Variants in CCT8L2 observed in about 807,000 individuals in gnomAD.
The protein encoded by CCT8L2 is T-complex protein 1 subunit theta-like 2.
CCT8L2 carries 29 observed loss-of-function variants against 31.5 expected under a neutral mutation model. The ratio of observed to expected loss-of-function variants is 0.92; its 90% CI spans 0.68 to 1.25. CCT8L2 has a LOEUF of 1.25. Ranked by LOEUF, CCT8L2 falls within the 50% of genes most tolerant of loss-of-function variation. The pLI, the probability that CCT8L2 is intolerant of heterozygous loss-of-function variation, is 0.00. For missense variants in CCT8L2, 589 were observed against 695.7 expected (o/e 0.85, Z 1.73); for synonymous variants, 256 against 290.1 (o/e 0.88, Z 1.19).
In CCT8L2 at chr22:16,591,662, C is replaced by A; in HGVS notation, c.889G>T (p.Gly297Trp). 2 of 1,614,208 alleles carry A rather than the reference C, an allele frequency of 1.2e-6. No homozygotes were observed. Among genetic ancestry groups the A allele is most frequent in the Non-Finnish European group, 8.5e-7 (1 of 1,180,052 alleles). Residue 297 changes from glycine (G) to tryptophan (W), a missense_variant, in exon 1 of 1, where the codon GGG becomes TGG. By Grantham distance (184) the Gly-to-Trp change is radical. Coordinates refer to ENST00000359963, the MANE Select transcript of CCT8L2 (RefSeq NM_014406.5). ...GTGAGGGTCTCCTCGTCGACCTCCCCCAACACCACTGCCACATTAATTCCT... is the reference window on the plus strand; with the variant it reads ...GTGAGGGTCTCCTCGTCGACCTCCCACAACACCACTGCCACATTAATTCCT... ...AAGINVAVVL[G>W]EVDEETLTLA...
At position 16,590,983 on chromosome 22, in the gene CCT8L2, G is replaced by C. The variant is rs773770330; in HGVS notation, c.1568C>G (p.Ala523Gly). 1 of 1,613,890 alleles carries C rather than the reference G, an allele frequency of 6.2e-7. No individual in the cohort carries two copies. The highest frequency in any genetic ancestry group is 1.7e-5 in the Admixed American group (1 of 60,004). ...QLVTVDEIVVAKKSPTHQEIW... is the reference protein window; with the variant it reads ...QLVTVDEIVVGKKSPTHQEIW... ...CTCCTGATGTGTGGGACTTTTCTTG[G>C]CCACTACGATTTCATCTACAGTCAC... The change falls in exon 1 of 1, where the codon GCC becomes GGC. Residue 523 changes from alanine to glycine, a missense_variant. By Grantham distance (60) the Ala-to-Gly change is moderately conservative. Coordinates refer to ENST00000359963, the MANE Select transcript of CCT8L2 (RefSeq NM_014406.5).
At position 16,592,244 on chromosome 22, in the gene CCT8L2, C is replaced by A. The variant is rs145347766; in HGVS notation, c.307G>T (p.Asp103Tyr). 1.1e-4 allele frequency: 183 copies of A among 1,614,266 alleles called. 1 individual carries two copies. The African/African-American group carries it at 2.2e-3, about 20-fold the overall frequency. ...AGCAGAACCACGAAGGCTGTGCCGTCCCCACTATTCTCTGCCTGGGTTTGT... is the reference window on the plus strand; with the variant it reads ...AGCAGAACCACGAAGGCTGTGCCGTACCCACTATTCTCTGCCTGGGTTTGT... ...AGQTQAENSG[D>Y]GTAFVVLLTE... The change falls in exon 1 of 1, where the codon GAC (aspartate) becomes TAC (tyrosine). Residue 103 changes from aspartate to tyrosine, a missense_variant. Physicochemically the swap from Asp to Tyr is radical, Grantham distance 160. Transcript: ENST00000359963.
At position 16,592,643 on chromosome 22, in the gene CCT8L2, C is replaced by T. The variant is rs2059595571; in HGVS notation, c.-93G>A. 5 of 1,133,820 alleles carry T rather than the reference C, an allele frequency of 4.4e-6. No homozygotes were observed. In the Admixed American group the frequency reaches 1.1e-4, roughly 24 times the overall value. 70.2% of individuals were successfully genotyped at this position (1,133,820 alleles called of 1,614,324 possible). On this transcript the variant is annotated 5_prime_UTR_variant, in exon 1 of 1. The change abolishes the stop of an existing upstream ORF in the 5' untranslated region. Coordinates refer to ENST00000359963, the MANE Select transcript of CCT8L2 (RefSeq NM_014406.5). ...CCTGACACCGATCGTTGAAAGTACT[C>T]AAGAGGTCAGTGGAAGCAAGGAGCC... is the stretch of plus-strand genomic sequence containing the variant.
chr22:16,591,981 A>G lies in CCT8L2; in HGVS notation c.570T>C (p.Ala190=). 2 of 1,614,174 alleles carry G rather than the reference A, an allele frequency of 1.2e-6. No individual in the cohort carries two copies. Among genetic ancestry groups the G allele is most frequent in the Non-Finnish European group, 1.7e-6 (2 of 1,180,032 alleles). ...LTKLVAHACW[A]IKELDGSFKP... ...TGAAGCTGCCGTCTAGTTCCTTGAT[A>G]GCCCAGCAGGCGTGGGCCACCAGCT... The change falls in exon 1 of 1, where the codon GCT becomes GCC. Residue 190 remains alanine, a synonymous_variant. Transcript: ENST00000359963.
rs369424741 is a variant in CCT8L2 at position 16,591,553 on chromosome 22, G to A, written c.998C>T (p.Pro333Leu). 4.3e-6 allele frequency: 7 copies of A among 1,614,184 alleles called. No homozygotes were observed. The highest frequency in any genetic ancestry group is 5.9e-6 in the Non-Finnish European group (7 of 1,180,046). Residue 333 changes from proline to leucine, a missense_variant, in exon 1 of 1, where the codon CCT becomes CTT. Pro to Leu is a moderately conservative substitution (Grantham distance 98, BLOSUM62 -3). Transcript: ENST00000359963. ...GGGAGGGAGCAGACGAGGCAGCAGA[G>A]GTGTGTCCAACACCTCACTCAGGTA... Reference protein sequence around the residue: ...IIYLSEVLDTPLLPRLLPPQR... With the variant: ...IIYLSEVLDTLLLPRLLPPQR...
Position 16,592,715 on chromosome 22 carries a change from T to C in CCT8L2, c.-165A>G, listed in dbSNP as rs1180641198. 22 of 623,532 alleles carry C rather than the reference T, an allele frequency of 3.5e-5. No individual in the cohort carries two copies. Among genetic ancestry groups the C allele is most frequent in the Non-Finnish European group, 4.8e-5 (17 of 355,276 alleles). The allele number at this position is 623,532 out of a possible 1,614,324, so 38.6% of individuals were successfully genotyped here. On this transcript the variant is annotated 5_prime_UTR_variant, in exon 1 of 1. Coordinates refer to ENST00000359963, the MANE Select transcript of CCT8L2 (RefSeq NM_014406.5). ...TGAAGACATCAGCACGGACCAGCAC[T>C]CCACTGTGGGTCCAAGGATGAGCTC...
Position 16,592,530 on chromosome 22 carries a change from T to C in CCT8L2, c.21A>G (p.Ser7=). The change falls in exon 1 of 1, where the codon TCA becomes TCG. Residue 7 remains serine (S), a synonymous_variant. Coordinates refer to ENST00000359963, the MANE Select transcript of CCT8L2 (RefSeq NM_014406.5). ...CCAGCCGCTGGGGCAGCTCCAGGGC[T>C]GAAGGGACTGTGCTGTCCATGGCCC... MDSTVP[S]ALELPQRLAL... is the part of the protein sequence containing the mutation. 6.2e-7 allele frequency: 1 copy of C among 1,613,102 alleles called. No homozygotes were observed. Among genetic ancestry groups the C allele is most frequent in the South Asian group, 1.1e-5 (1 of 91,014 alleles).
chr22:16,591,662 C>G lies in CCT8L2; in HGVS notation c.889G>C (p.Gly297Arg). 1 of 1,614,208 alleles carries G rather than the reference C, an allele frequency of 6.2e-7. No individual in the cohort carries two copies. The highest frequency in any genetic ancestry group is 8.5e-7 in the Non-Finnish European group (1 of 1,180,052). The change falls in exon 1 of 1, where the codon GGG (glycine) becomes CGG (arginine). Residue 297 changes from glycine (G) to arginine (R), a missense_variant. Coordinates refer to ENST00000359963, the MANE Select transcript of CCT8L2 (RefSeq NM_014406.5). The part of the protein sequence containing the change: ...AAGINVAVVL[G>R]EVDEETLTLA... ...GTGAGGGTCTCCTCGTCGACCTCCC[C>G]CAACACCACTGCCACATTAATTCCT... is the stretch of plus-strand genomic sequence containing the variant.
Position 16,590,924 on chromosome 22 carries a change from GTTTC to G in CCT8L2, c.1623_1626del (p.Lys541AsnfsTer14). On this transcript the variant is annotated frameshift_variant, in exon 1 of 1. Transcript: ENST00000359963. LOFTEE classifies it high-confidence loss of function. ...TTTTTTGTTTCCACAGGAGGTGGGT[GTTTC>G]TTTGTCTTCTTAGAGTCAGGATTCC... is the stretch of plus-strand genomic sequence containing the variant. 1 of 1,613,714 alleles carries G rather than the reference GTTTC, an allele frequency of 6.2e-7. No individual in the cohort carries two copies. Among genetic ancestry groups the G allele is most frequent in the Non-Finnish European group, 8.5e-7 (1 of 1,179,814 alleles).
rs529271182 is a variant in CCT8L2 at position 16,590,991 on chromosome 22, G to A, written c.1560C>T (p.Ile520=). The A allele has an allele frequency of 5.3e-5, 86 of 1,613,856 alleles. No individual in the cohort carries two copies. The highest frequency in any genetic ancestry group is 1.7e-4 in the Middle Eastern group (1 of 6,056). Residue 520 remains isoleucine, a synonymous_variant, in exon 1 of 1, where the codon ATC becomes ATT. Coordinates refer to ENST00000359963, the MANE Select transcript of CCT8L2 (RefSeq NM_014406.5). ...GTGTGGGACTTTTCTTGGCCACTACGATTTCATCTACAGTCACGAGCTGTA... is the reference window on the plus strand; with the variant it reads ...GTGTGGGACTTTTCTTGGCCACTACAATTTCATCTACAGTCACGAGCTGTA... ...VVLQLVTVDE[I]VVAKKSPTHQ... is the part of the protein sequence containing the mutation.
chr22:16,592,506 C>G lies in CCT8L2; in HGVS notation c.45G>C (p.Leu15=). The change falls in exon 1 of 1, where the codon CTG becomes CTC. Residue 15 remains leucine (L), a synonymous_variant. Transcript: ENST00000359963. Reference sequence around the variant, plus strand: ...TCGGGCTCTCCCTTGGGTTCAGTGCCAGCCGCTGGGGCAGCTCCAGGGCTG... The same window carrying G: ...TCGGGCTCTCCCTTGGGTTCAGTGCGAGCCGCTGGGGCAGCTCCAGGGCTG... ...VPSALELPQR[L]ALNPRESPRS... is the part of the protein sequence containing the mutation. The G allele has an allele frequency of 6.2e-7, 1 of 1,613,968 alleles. No individual in the cohort carries two copies. The highest frequency in any genetic ancestry group is 8.5e-7 in the Non-Finnish European group (1 of 1,180,036).
Position 16,591,708 on chromosome 22 carries a change from T to G in CCT8L2, c.843A>C (p.Gln281His). Reference protein sequence around the residue: ...SKGSDQLLEKQVGQLAAAGIN... With the variant: ...SKGSDQLLEKHVGQLAAAGIN... ...TTCCTGCAGCTGCTAGCTGGCCTAC[T>G]TGCTTTTCTAGTAATTGATCGCTTC... The change falls in exon 1 of 1, where the codon CAA becomes CAC. Residue 281 changes from glutamine to histidine, a missense_variant. Gln to His is a conservative substitution (Grantham distance 24). Coordinates refer to ENST00000359963, the MANE Select transcript of CCT8L2 (RefSeq NM_014406.5). 1 of 1,614,240 alleles carries G rather than the reference T, an allele frequency of 6.2e-7. No individual in the cohort carries two copies. The highest frequency in any genetic ancestry group is 8.5e-7 in the Non-Finnish European group (1 of 1,180,046).
Position 16,591,681 on chromosome 22 carries a change from A to C in CCT8L2, c.870T>G (p.Ile290Met). ...KQVGQLAAAG[I>M]NVAVVLGEVD... ...CCTCCCCCAACACCACTGCCACATT[A>C]ATTCCTGCAGCTGCTAGCTGGCCTA... is the stretch of plus-strand genomic sequence containing the variant. The change falls in exon 1 of 1, where the codon ATT becomes ATG. Residue 290 changes from isoleucine to methionine, a missense_variant. Physicochemically the swap from Ile to Met is conservative, Grantham distance 10 (BLOSUM62 1). Coordinates refer to ENST00000359963, the MANE Select transcript of CCT8L2 (RefSeq NM_014406.5). 1 of 1,614,184 alleles carries C rather than the reference A, an allele frequency of 6.2e-7. No homozygotes were observed. The highest frequency in any genetic ancestry group is 8.5e-7 in the Non-Finnish European group (1 of 1,180,026).
In CCT8L2 at chr22:16,590,775, T is replaced by A; in HGVS notation, c.*102A>T. The A allele has an allele frequency of 1.1e-6, 1 of 881,406 alleles. No homozygotes were observed. The highest frequency in any genetic ancestry group is 1.8e-6 in the Non-Finnish European group (1 of 563,604). The allele number at this position is 881,406 out of a possible 1,614,324, so 54.6% of individuals were successfully genotyped here. A position where few individuals can be genotyped will look rare whatever the true frequency, so the allele number is the denominator to read the frequency against. On this transcript the variant is annotated 3_prime_UTR_variant, in exon 1 of 1. Coordinates refer to ENST00000359963, the MANE Select transcript of CCT8L2 (RefSeq NM_014406.5). ...ATTTTATGTTCCTTCATGTTTTTATTTAAAGAAAGTGAATCAAGTACCAAA... is the reference window on the plus strand; with the variant it reads ...ATTTTATGTTCCTTCATGTTTTTATATAAAGAAAGTGAATCAAGTACCAAA...
chr22:16,591,263 A>G lies in CCT8L2; in HGVS notation c.1288T>C (p.Leu430=), dbSNP rs765171511. The part of the protein sequence containing the change: ...AKMLSDKGSR[L]EGPSGPAFLA... ...AATGCAGGCCCACTGGGCCCTTCCA[A>G]TCTGCTTCCTTTATCAGAAAGCATT... The change falls in exon 1 of 1, where the codon TTG becomes CTG. Residue 430 remains leucine (L), a synonymous_variant. Transcript: ENST00000359963. 4 of 1,613,924 alleles carry G rather than the reference A, an allele frequency of 2.5e-6. No individual in the cohort carries two copies. The highest frequency in any genetic ancestry group is 3.3e-5 in the Admixed American group (2 of 60,004).
chr22:16,591,785 G>A lies in CCT8L2; in HGVS notation c.766C>T (p.Pro256Ser), dbSNP rs1304480877. 2 of 1,614,068 alleles carry A rather than the reference G, an allele frequency of 1.2e-6. No individual in the cohort carries two copies. The highest frequency in any genetic ancestry group is 1.1e-5 in the South Asian group (1 of 91,090). ...CPFGPAHPNA[P>S]ATARLSSPAD... ...GGACTAGAAAGACGGGCCGTTGCTGGTGCATTTGGATGGGCAGGACCAAAG... is the reference window on the plus strand; with the variant it reads ...GGACTAGAAAGACGGGCCGTTGCTGATGCATTTGGATGGGCAGGACCAAAG... The change falls in exon 1 of 1, where the codon CCA (proline) becomes TCA (serine). Residue 256 changes from proline to serine, a missense_variant. Physicochemically the swap from Pro to Ser is moderately conservative, Grantham distance 74. Coordinates refer to ENST00000359963, the MANE Select transcript of CCT8L2 (RefSeq NM_014406.5).
At position 16,592,138 on chromosome 22, in the gene CCT8L2, G is replaced by A. The variant is rs146407682; in HGVS notation, c.413C>T (p.Thr138Met). Residue 138 changes from threonine to methionine, a missense_variant, in exon 1 of 1, where the codon ACG becomes ATG. Physicochemically the swap from Thr to Met is moderately conservative, Grantham distance 81. Transcript: ENST00000359963. Reference protein sequence around the residue: ...PRPQLREAYATATAEVLATLP... With the variant: ...PRPQLREAYAMATAEVLATLP... Reference sequence around the variant, plus strand: ...TGTGGCCAGGACCTCTGCAGTGGCCGTGGCGTAGGCCTCCCGGAGCTGCGG... The same window carrying A: ...TGTGGCCAGGACCTCTGCAGTGGCCATGGCGTAGGCCTCCCGGAGCTGCGG... 1.1e-4 allele frequency: 173 copies of A among 1,614,196 alleles called. 1 individual carries two copies. Among genetic ancestry groups the A allele is most frequent in the East Asian group, 1.0e-3 (45 of 44,880 alleles).
In CCT8L2 at chr22:16,592,450, A is replaced by G; in HGVS notation, c.101T>C (p.Leu34Pro). The G allele has an allele frequency of 1.2e-6, 2 of 1,614,170 alleles. No homozygotes were observed. Among genetic ancestry groups the G allele is most frequent in the Non-Finnish European group, 1.7e-6 (2 of 1,180,038 alleles). ...GGTCTGGACTGCAGCCAAGCTGCTC[A>G]GCAGGTGGGGCTCCTCCTCTTCTGG... ...RSPEEEEPHL[L>P]SSLAAVQTLA... The change falls in exon 1 of 1, where the codon CTG (leucine) becomes CCG (proline). Residue 34 changes from leucine to proline, a missense_variant. Physicochemically the swap from Leu to Pro is moderately conservative, Grantham distance 98 (BLOSUM62 -3). Coordinates refer to ENST00000359963, the MANE Select transcript of CCT8L2 (RefSeq NM_014406.5).
Position 16,591,775 on chromosome 22 carries a change from G to A in CCT8L2, c.776C>T (p.Ala259Val), listed in dbSNP as rs752945415. The A allele has an allele frequency of 6.2e-7, 1 of 1,614,184 alleles. No individual in the cohort carries two copies. The highest frequency in any genetic ancestry group is 1.1e-5 in the South Asian group (1 of 91,078). Residue 259 changes from alanine to valine, a missense_variant, in exon 1 of 1, where the codon GCC becomes GTC. By Grantham distance (64) the Ala-to-Val change is moderately conservative. Coordinates refer to ENST00000359963, the MANE Select transcript of CCT8L2 (RefSeq NM_014406.5). ...GPAHPNAPAT[A>V]RLSSPADLAQ... ...TAGATCAGCAGGACTAGAAAGACGG[G>A]CCGTTGCTGGTGCATTTGGATGGGC...
Sources: gnomAD v4.1 joint callset for allele counts on GRCh38, gnomAD v4.1.1 for gene constraint, MANE v1.5 for transcripts, NCBI Gene and HGNC (gene_info 2026-07-23, HGNC 2026-07-21) for gene names.